Variants in RBFOX1 observed in about 807,000 individuals in gnomAD.
RBFOX1 encodes the protein RNA binding fox-1 homolog 1, also known as RNA binding protein fox-1 homolog 1.
In RBFOX1, 8 loss-of-function variants were observed where a neutral mutation model predicts 57.7. The observed-to-expected ratio is 0.14, with a 90% CI of 0.08 to 0.25. The LOEUF (loss-of-function observed/expected upper bound fraction) is 0.25. Among genes scored for constraint, RBFOX1 ranks in the 10% least tolerant of loss-of-function variants. The probability of loss-of-function intolerance (pLI) is 1.00; values close to 1 mark genes in which losing one functional copy is unlikely to be tolerated. For synonymous variants in RBFOX1, 326 were observed against 222.4 expected (o/e 1.47, Z -4.15); for missense variants, 611 against 548.5 (o/e 1.11, Z -1.14).
intron 2 of RBFOX1, among the ~76,000 whole-genome samples, chr16:6,599,604 T>C (rs1163955478): frequency 6.6e-6 from 1 of 152,172 alleles, no homozygotes; most frequent in Admixed American, 6.5e-5. Flanking sequence ...TTCCCCCGTG[T>C]AAATCAGGCT....
chr16:7,675,177 T>G (rs12923840), intron 13 of RBFOX1, among the ~76,000 whole-genome samples: 92,338 of 151,934 alleles, frequency 0.61, 28,607 homozygotes, highest in Non-Finnish European at 0.66. Context: ...GCCAAGAAGA[T>G]GAACAAGCTA....
chr16:6,972,431 A>C (rs956309690), intron 3 of RBFOX1, among the ~76,000 whole-genome samples: 1 of 152,092 alleles, frequency 6.6e-6, no homozygotes, highest in Admixed American at 6.6e-5. Flanking sequence ...TCGTTTTTCA[A>C]GGCTAAGTAA....
chr16:6,006,733 G>A (rs1452784092), intron 4 of RBFOX1, among the ~76,000 whole-genome samples: 1 of 152,238 alleles, frequency 6.6e-6, no homozygotes, highest in Non-Finnish European at 1.5e-5. Flanking sequence ...TATGTGGAGA[G>A]TGGGTTTTCA....
chr16:6,068,247 C>G (rs374005987), intron 1 of RBFOX1, among the ~76,000 whole-genome samples: 26 of 152,280 alleles, frequency 1.7e-4, no homozygotes, highest in African/African-American at 4.3e-4. Context: ...TTGGGAAATG[C>G]GTCTTCAGCA....
In RBFOX1 at chr16:5,502,314, T is replaced by A. The variant is rs147799262; in HGVS notation, c.258+35060T>A. On this transcript the variant is annotated intron_variant, in intron 2 of 2. Coordinates refer to the RBFOX1 transcript ENST00000585867. Reference sequence around the variant, plus strand: ...ATGGTCCTCCCGTCCCTGTGTGACTTCTGTGCTGGTGTGTCCCAGTGGATG... The same window carrying A: ...ATGGTCCTCCCGTCCCTGTGTGACTACTGTGCTGGTGTGTCCCAGTGGATG... 9.2e-3 allele frequency among the ~76,000 whole-genome samples: 1,399 copies of A among 152,220 alleles called. 17 individuals carry two copies. The highest frequency in any genetic ancestry group is 0.048 in the Middle Eastern group (14 of 294).
At chr16:6,832,784 T>G (rs2092801529) in intron 3 of RBFOX1, among the ~76,000 whole-genome samples, 1 of 152,192 alleles carries the variant, frequency 6.6e-6, no homozygotes, top group African/African-American at 2.4e-5. Flanking sequence ...AGGCTTGTGC[T>G]CCTAGGTGAG....
At chr16:7,689,109 A>C (rs2076771184) in intron 14 of RBFOX1, among the ~76,000 whole-genome samples, 2 of 152,066 alleles carry the variant, frequency 1.3e-5, no homozygotes. Flanking sequence ...TTATAAGAAA[A>C]ATTAAATGAA....
intron 4 of RBFOX1, among the ~76,000 whole-genome samples, chr16:7,292,288 CAT>C (rs1555675770): frequency 8.4e-6 from 1 of 119,652 alleles, no homozygotes; most frequent in African/African-American, 3.3e-5. Context: ...TATCATATAT[CAT>C]ATATGATATA....
At chr16:5,414,251 T>C (rs750239851) in intron 1 of RBFOX1, among the ~76,000 whole-genome samples, 1 of 152,070 alleles carries the variant, frequency 6.6e-6, no homozygotes, top group Non-Finnish European at 1.5e-5. Flanking sequence ...GAGAGAGTGT[T>C]GTTGTAAAGG....
At chr16:6,311,264 C>G (rs2080265802) in intron 1 of RBFOX1, among the ~76,000 whole-genome samples, 1 of 135,980 alleles carries the variant, frequency 7.4e-6, no homozygotes, top group Non-Finnish European at 1.5e-5. Context: ...CCACCGTACT[C>G]CAGCCTGGGT....
At chr16:7,423,334 T>A (rs1264230845) in intron 4 of RBFOX1, among the ~76,000 whole-genome samples, 1 of 151,830 alleles carries the variant, frequency 6.6e-6, no homozygotes, top group Non-Finnish European at 1.5e-5. Context: ...AAAGAGTGCA[T>A]CTTGCAAAAA....
At chr16:7,187,521 C>G (rs1329517759) in intron 4 of RBFOX1, among the ~76,000 whole-genome samples, 3 of 151,066 alleles carry the variant, frequency 2.0e-5, no homozygotes, top group Admixed American at 6.6e-5. Context: ...AACCCCATCT[C>G]TACTAAAAAT....
At chr16:6,274,970 G>T (rs1297219975) in intron 1 of RBFOX1, among the ~76,000 whole-genome samples, 5 of 152,156 alleles carry the variant, frequency 3.3e-5, no homozygotes, top group African/African-American at 1.2e-4. Context: ...GATACCGTGT[G>T]CTGTGAAAAC....
At chr16:7,609,144 A>T (rs1330589812) in intron 10 of RBFOX1, among the ~76,000 whole-genome samples, 6 of 152,222 alleles carry the variant, frequency 3.9e-5, no homozygotes, top group Non-Finnish European at 7.3e-5. Context: ...GAGTAGTTAG[A>T]CTAAAGAAAT....
At chr16:7,044,755 C>A (rs2047332315) in intron 3 of RBFOX1, among the ~76,000 whole-genome samples, 2 of 152,226 alleles carry the variant, frequency 1.3e-5, no homozygotes, top group African/African-American at 4.8e-5. Context: ...ATAAAGTGTA[C>A]ATTTAAGATA....
rs148031182 is a variant in RBFOX1, at chr16:7,028,561, T to C, written c.-15-23496T>C. Among the ~76,000 whole-genome samples the C allele has an allele frequency of 2.3e-3, 261 of 115,586 alleles. 1 individual carries two copies. Among genetic ancestry groups the C allele is most frequent in the African/African-American group, 8.2e-3 (243 of 29,486 alleles). The allele number at this position is 115,586 out of a possible 152,430, so 75.8% of individuals were successfully genotyped here. A position where few individuals can be genotyped will look rare whatever the true frequency, so the allele number is the denominator to read the frequency against. ...GAGGTTGAAGCATTGCACTCCAACCTGGGCAATAAGAGTGAAACTCCCTCA... is the reference window on the plus strand; with the variant it reads ...GAGGTTGAAGCATTGCACTCCAACCCGGGCAATAAGAGTGAAACTCCCTCA... On this transcript the variant is annotated intron_variant, in intron 3 of 15. Transcript: ENST00000550418.
intron 1 of RBFOX1, among the ~76,000 whole-genome samples, chr16:5,351,570 A>G (rs1457567965): frequency 1.3e-5 from 2 of 152,248 alleles, no homozygotes; most frequent in African/African-American, 2.4e-5. Flanking sequence ...GGTGTTATGA[A>G]GGTGACAAAA....
intron 4 of RBFOX1, among the ~76,000 whole-genome samples, chr16:5,898,813 A>T (rs961316746): frequency 6.6e-6 from 1 of 151,320 alleles, no homozygotes; most frequent in Admixed American, 6.6e-5. Context: ...TAATCCCAGC[A>T]CTTTGTGGGG....
intron 4 of RBFOX1, among the ~76,000 whole-genome samples, chr16:7,454,878 A>G (rs894043902): frequency 3.3e-5 from 5 of 152,248 alleles, no homozygotes; most frequent in Non-Finnish European, 5.9e-5. Context: ...CACAGTGTTA[A>G]AGAGTGATTA....
Sources: allele counts gnomAD v4.1 joint callset (sites outside exome capture counted in the v4.1 genomes callset), GRCh38; gene constraint gnomAD v4.1.1; transcripts MANE v1.5; gene names NCBI Gene and HGNC (gene_info 2026-07-23, HGNC 2026-07-21).